Variants in ME2 observed in about 807,000 individuals in gnomAD.
ME2 encodes NAD-dependent malic enzyme, mitochondrial.
A neutral mutation model predicts 73.7 loss-of-function variants in ME2; 60 were observed. The ratio of observed to expected loss-of-function variants is 0.81; its 90% CI spans 0.66 to 1.01. The LOEUF (loss-of-function observed/expected upper bound fraction) is 1.01. Ranked by LOEUF, ME2 falls within the 50% of genes least tolerant of loss-of-function variation. ME2 has a pLI of 0.00. For missense variants in ME2, 594 were observed against 705.5 expected (o/e 0.84, Z 1.79); for synonymous variants, 199 against 236.9 (o/e 0.84, Z 1.47).
At chr18:50,916,337 A>T in intron 5 of ME2, 94 bp downstream of exon 5, 2 of 998,910 alleles carry the variant, frequency 2.0e-6, no homozygotes, top group Non-Finnish European at 3.1e-6. Context: ...TGTTGCTCTC[A>T]TTTATTTTGC....
rs1341043017 is a variant in ME2, at chr18:50,951,576, A to T, written c.*4392A>T. 7.5e-5 allele frequency: 10 copies of T among 132,552 alleles called. No individual in the cohort carries two copies. The highest frequency in any genetic ancestry group is 1.1e-4 in the African/African-American group (4 of 35,620). The allele number at this position is 132,552 out of a possible 1,614,324, so 8.2% of individuals were successfully genotyped here. On this transcript the variant is annotated 3_prime_UTR_variant, in exon 16 of 16. Transcript: ENST00000321341. ...TTTTTTTTTTTTTTAACTTCTTCATACTCTTAAAAAGCTCCAGAATGGCCA... is the reference window on the plus strand; with the variant it reads ...TTTTTTTTTTTTTTAACTTCTTCATTCTCTTAAAAAGCTCCAGAATGGCCA...
At chr18:50,899,311 T>G (rs1016592626) in intron 2 of ME2, among the ~76,000 whole-genome samples, 3 of 152,036 alleles carry the variant, frequency 2.0e-5, no homozygotes, top group African/African-American at 7.3e-5. Context: ...AACTAAGACA[T>G]GAAAAGAAAA....
At chr18:50,908,251 T>G (rs896710429) in intron 3 of ME2, 55 bp downstream of exon 3, 3 of 1,336,768 alleles carry the variant, frequency 2.2e-6, no homozygotes, top group African/African-American at 3.0e-5. Context: ...AGAAAACTTA[T>G]GAGCATTATG....
intron 2 of ME2, among the ~76,000 whole-genome samples, chr18:50,904,084 A>G (rs922242614): frequency 2.0e-5 from 3 of 152,244 alleles, no homozygotes; most frequent in African/African-American, 7.2e-5. Context: ...TAATAGATTC[A>G]CCCTTTCATC....
intron 2 of ME2, among the ~76,000 whole-genome samples, chr18:50,904,374 G>A (rs532706295): frequency 1.3e-5 from 2 of 151,724 alleles, no homozygotes; most frequent in East Asian, 3.9e-4. Context: ...CACCTCCTGG[G>A]TTGAAGCTAT....
chr18:50,908,500 A>G (rs979267074), intron 3 of ME2, among the ~76,000 whole-genome samples: 1 of 152,210 alleles, frequency 6.6e-6, no homozygotes, highest in Non-Finnish European at 1.5e-5. Context: ...TTTATTGATC[A>G]CCTGCTTTGT....
chr18:50,914,123 G>C (rs146771209), intron 4 of ME2, among the ~76,000 whole-genome samples: 104 of 152,078 alleles, frequency 6.8e-4, no homozygotes, highest in Admixed American at 1.8e-3. Flanking sequence ...CCATCCCCAA[G>C]ATTTCTGATG....
chr18:50,884,283 A>G (rs899756496), intron 1 of ME2, among the ~76,000 whole-genome samples: 2 of 152,028 alleles, frequency 1.3e-5, no homozygotes, highest in Non-Finnish European at 2.9e-5. Context: ...TTTAATCATC[A>G]CAGTTTTCTA....
chr18:50,936,825 A>G (rs1441639229), intron 13 of ME2, among the ~76,000 whole-genome samples: 1 of 152,110 alleles, frequency 6.6e-6, no homozygotes, highest in Non-Finnish European at 1.5e-5. Flanking sequence ...CAGCTACTCC[A>G]GACACCGAGG....
chr18:50,939,764 A>C, intron 14 of ME2, 124 bp downstream of exon 14: 2 of 651,972 alleles, frequency 3.1e-6, no homozygotes, highest in Non-Finnish European at 2.6e-6. Flanking sequence ...AGTTACTCAA[A>C]TTACTTTTAT....
chr18:50,933,376 A>G (rs1170917236), intron 13 of ME2: 1 of 152,218 alleles, frequency 6.6e-6, no homozygotes, highest in Non-Finnish European at 1.5e-5. Flanking sequence ...ATAGGCTGGC[A>G]TCAGGCAAGC....
At chr18:50,931,321 G>A (rs907959300) in intron 12 of ME2, among the ~76,000 whole-genome samples, 7 of 152,080 alleles carry the variant, frequency 4.6e-5, no homozygotes, top group African/African-American at 1.7e-4. Context: ...CCTACTGCTG[G>A]GTATTATAGC....
chr18:50,899,208 A>G (rs1194217762), intron 2 of ME2, among the ~76,000 whole-genome samples: 6 of 152,224 alleles, frequency 3.9e-5, no homozygotes, highest in Non-Finnish European at 7.3e-5. Context: ...GAGGTGGCAC[A>G]GTTTCATCCT....
Position 50,950,439 on chromosome 18 carries a change from A to G in ME2, c.*3255A>G, listed in dbSNP as rs1299594754. 7.5e-6 allele frequency: 1 copy of G among 132,486 alleles called. No individual in the cohort carries two copies. Among genetic ancestry groups the G allele is most frequent in the Non-Finnish European group, 1.6e-5 (1 of 63,518 alleles). 8.2% of individuals were successfully genotyped at this position (132,486 alleles called of 1,614,324 possible). ...TAACAAGATTCTGATGCTGATGCAT[A>G]GGGCCTGGGGTGGGGCCTCAGATTC... On this transcript the variant is annotated 3_prime_UTR_variant, in exon 16 of 16. Coordinates refer to ENST00000321341, the MANE Select transcript of ME2 (RefSeq NM_002396.5).
rs189796827 is a variant in ME2, at chr18:50,949,692, A to G, written c.*2508A>G. ...TTACTACGAAGTTTGCTTATTAAGT[A>G]TGCCTGGTACAGTCTTCATGGAAGT... On this transcript the variant is annotated 3_prime_UTR_variant, in exon 16 of 16. Coordinates refer to ENST00000321341, the MANE Select transcript of ME2 (RefSeq NM_002396.5). The G allele has an allele frequency of 2.0e-5, 3 of 152,348 alleles. No individual in the cohort carries two copies. The highest frequency in any genetic ancestry group is 4.4e-5 in the Non-Finnish European group (3 of 68,026). 9.4% of individuals were successfully genotyped at this position (152,348 alleles called of 1,614,324 possible).
intron 3 of ME2, among the ~76,000 whole-genome samples, chr18:50,912,368 C>T (rs1470711743): frequency 3.3e-5 from 5 of 152,174 alleles, no homozygotes; most frequent in African/African-American, 1.2e-4. Flanking sequence ...GAGGTAACTT[C>T]TTATATCCCT....
At chr18:50,937,024 G>A (rs1429053512) in intron 13 of ME2, among the ~76,000 whole-genome samples, 1 of 151,990 alleles carries the variant, frequency 6.6e-6, no homozygotes, top group African/African-American at 2.4e-5. Flanking sequence ...TCCTGTTTAT[G>A]GTAAGGTAAT....
chr18:50,901,863 C>T (rs944049457), intron 2 of ME2, among the ~76,000 whole-genome samples: 1 of 152,140 alleles, frequency 6.6e-6, no homozygotes, highest in Non-Finnish European at 1.5e-5. Flanking sequence ...AAAAAAACAC[C>T]TGAACACTAT....
At chr18:50,928,910 A>T (rs1382092487) in intron 12 of ME2, among the ~76,000 whole-genome samples, 1 of 152,084 alleles carries the variant, frequency 6.6e-6, no homozygotes, top group Non-Finnish European at 1.5e-5. Flanking sequence ...AAGAGCTTCA[A>T]ATGCTAGGCT....
Sources: allele counts gnomAD v4.1 joint callset (sites outside exome capture counted in the v4.1 genomes callset), GRCh38; gene constraint gnomAD v4.1.1; transcripts MANE v1.5; gene names NCBI Gene and HGNC (gene_info 2026-07-23, HGNC 2026-07-21).